ABI1: variants seen among roughly 807,000 people sequenced by gnomAD.
ABI1 encodes the protein Abelson interactor 1.
Under a neutral mutation model 54.6 loss-of-function variants are expected in ABI1, and 14 were observed. That is an observed-to-expected ratio of 0.26 (90% confidence interval 0.17 to 0.40). The LOEUF (loss-of-function observed/expected upper bound fraction) is 0.40, where lower values mean the gene tolerates loss of function less well. Among genes scored for constraint, ABI1 ranks in the 10% least tolerant of loss-of-function variants. The probability of loss-of-function intolerance (pLI) is 1.00; values close to 1 mark genes in which losing one functional copy is unlikely to be tolerated. For missense variants in ABI1, 443 were observed against 598.3 expected, an observed-to-expected ratio of 0.74 and a Z score of 2.71; for synonymous variants, 194 against 209.3, an observed-to-expected ratio of 0.93 and a Z score of 0.63.
intron 7 of ABI1, among the ~76,000 whole-genome samples, chr10:26,762,638 A>G (rs961142532): frequency 2.6e-5 from 4 of 152,208 alleles, no homozygotes; most frequent in Non-Finnish European, 4.4e-5. Flanking sequence ...TTAGGAGTCA[A>G]AGCAATGACT....
In ABI1 at chr10:26,765,337, A is replaced by C. The variant is rs1310964986; in HGVS notation, c.720-19T>G. On this transcript the variant is annotated intron_variant, in intron 6 of 10. Coordinates refer to ENST00000376140, the MANE Select transcript of ABI1 (RefSeq NM_001012750.3). ...ACTTCCACTGAAAAGAAAAAAAAAAACTGTGAAAAACCAATTCTAGAGACA... is the reference window on the plus strand; with the variant it reads ...ACTTCCACTGAAAAGAAAAAAAAAACCTGTGAAAAACCAATTCTAGAGACA... 1 of 1,528,524 alleles carries C rather than the reference A, an allele frequency of 6.5e-7. No homozygotes were observed. Among genetic ancestry groups the C allele is most frequent in the South Asian group, 1.2e-5 (1 of 80,900 alleles). The allele number at this position is 1,528,524 out of a possible 1,614,324, so 94.7% of individuals were successfully genotyped here. A position where few individuals can be genotyped will look rare whatever the true frequency, so the allele number is the denominator to read the frequency against.
intron 1 of ABI1, among the ~76,000 whole-genome samples, chr10:26,842,178 C>T (rs943774657): frequency 2.5e-4 from 38 of 152,180 alleles, no homozygotes; most frequent in African/African-American, 8.9e-4. Context: ...TTCTGCATGG[C>T]TAATGCTGTT....
chr10:26,761,657 T>TGC (rs1839220349), intron 7 of ABI1, among the ~76,000 whole-genome samples: 1 of 91,622 alleles, frequency 1.1e-5, no homozygotes, highest in South Asian at 3.4e-4. Flanking sequence ...TATATATATA[T>TGC]ATATACACAC....
chr10:26,786,091 T>C (rs1268986755), intron 2 of ABI1, among the ~76,000 whole-genome samples: 1 of 152,236 alleles, frequency 6.6e-6, no homozygotes. Flanking sequence ...ACTGTTTTTA[T>C]AGTGAAACAA....
intron 1 of ABI1, among the ~76,000 whole-genome samples, chr10:26,837,634 CAG>C: frequency 6.6e-6 from 1 of 152,222 alleles, no homozygotes; most frequent in East Asian, 1.9e-4. Flanking sequence ...GTTTTTGAAA[CAG>C]AGTCTCACTC....
chr10:26,819,429 G>A (rs888683601), intron 2 of ABI1, among the ~76,000 whole-genome samples: 31 of 152,172 alleles, frequency 2.0e-4, no homozygotes, highest in Admixed American at 9.8e-4. Context: ...TTCAAAATAC[G>A]TAACAGAAAA....
At chr10:26,817,760 T>C (rs2047670303) in intron 2 of ABI1, among the ~76,000 whole-genome samples, 1 of 152,128 alleles carries the variant, frequency 6.6e-6, no homozygotes, top group South Asian at 2.1e-4. Flanking sequence ...AAAATCTCTT[T>C]TAGATATACA....
intron 10 of ABI1, 85 bp from the exon 11 acceptor site, chr10:26,748,830 T>C (rs1391481539): frequency 3.1e-6 from 3 of 955,170 alleles, no homozygotes; most frequent in Non-Finnish European, 4.6e-6. Flanking sequence ...ATTAAATATA[T>C]AGCACAGCAA....
intron 1 of ABI1, among the ~76,000 whole-genome samples, chr10:26,844,498 G>T (rs778865473): frequency 6.6e-5 from 10 of 152,174 alleles, no homozygotes; most frequent in Non-Finnish European, 1.3e-4. Flanking sequence ...TATAGCCAGA[G>T]AAACTGGAAT....
At chr10:26,810,816 TA>T (rs71834702) in intron 2 of ABI1, among the ~76,000 whole-genome samples, 24,511 of 146,428 alleles carry the variant, frequency 0.17, 2,764 homozygotes, top group African/African-American at 0.34. Flanking sequence ...CCTGTTCTTT[TA>T]AAAAAAAAAA....
At position 26,860,928 on chromosome 10, in the gene ABI1, C is replaced by T. The variant is rs894837521; in HGVS notation, c.-65G>A. On this transcript the variant is annotated 5_prime_UTR_variant, in exon 1 of 11. Coordinates refer to ENST00000376140, the MANE Select transcript of ABI1 (RefSeq NM_001012750.3). The surrounding 1 kb of genome is among the most constrained non-coding windows in gnomAD (Gnocchi z 4.1). ...ACAGAGGCAGCAAGGTCCGCCGAGG[C>T]TCCGAGCACCTCACAGCCCGGATAC... The T allele has an allele frequency of 6.9e-6, 10 of 1,440,586 alleles. No individual in the cohort carries two copies. The African/African-American group carries it at 9.8e-5, about 14-fold the overall frequency. 89.2% of individuals were successfully genotyped at this position (1,440,586 alleles called of 1,614,324 possible). A position where few individuals can be genotyped will look rare whatever the true frequency, so the allele number is the denominator to read the frequency against.
intron 2 of ABI1, among the ~76,000 whole-genome samples, chr10:26,795,648 T>C (rs759915191): frequency 4.6e-5 from 7 of 151,754 alleles, no homozygotes; most frequent in Non-Finnish European, 1.0e-4. Context: ...ATTCCATTTA[T>C]GATAGCATCC....
chr10:26,785,401 G>A (rs10829065), intron 2 of ABI1, among the ~76,000 whole-genome samples: 9,344 of 152,174 alleles, frequency 0.061, 430 homozygotes, highest in East Asian at 0.19. Flanking sequence ...GTAAAAGGCA[G>A]GTTTGTTTGC....
At chr10:26,799,466 G>A (rs938829873) in intron 2 of ABI1, among the ~76,000 whole-genome samples, 2 of 152,150 alleles carry the variant, frequency 1.3e-5, no homozygotes, top group Non-Finnish European at 2.9e-5. Context: ...CCAAGCTTCG[G>A]GGGAGGGGGG....
chr10:26,816,813 T>C (rs2047593509), intron 2 of ABI1, among the ~76,000 whole-genome samples: 1 of 152,182 alleles, frequency 6.6e-6, no homozygotes, highest in African/African-American at 2.4e-5. Flanking sequence ...CTAGTAAGAT[T>C]GTTTTGTATA....
At chr10:26,762,688 T>C (rs1839394532) in intron 7 of ABI1, among the ~76,000 whole-genome samples, 1 of 152,172 alleles carries the variant, frequency 6.6e-6, no homozygotes, top group Non-Finnish European at 1.5e-5. Flanking sequence ...TTCTACCGTA[T>C]AGTTATAACA....
intron 2 of ABI1, among the ~76,000 whole-genome samples, chr10:26,791,811 G>T (rs1349001782): frequency 6.6e-6 from 1 of 152,070 alleles, no homozygotes. Context: ...ACTGAAAATG[G>T]ATCCCTACCT....
chr10:26,835,794 G>A (rs1431730052), intron 1 of ABI1, among the ~76,000 whole-genome samples: 1 of 97,594 alleles, frequency 1.0e-5, no homozygotes, highest in Non-Finnish European at 2.1e-5. Flanking sequence ...TTTTTTTTTT[G>A]AGACTGGGTC....
intron 6 of ABI1, 100 bp downstream of exon 6, chr10:26,768,752 A>T: frequency 1.1e-6 from 1 of 880,240 alleles, no homozygotes; most frequent in Non-Finnish European, 1.7e-6. Flanking sequence ...TATTAGCATT[A>T]GAGTGGCACC....
Sources: gnomAD v4.1 joint callset for allele counts (sites outside exome capture counted in the v4.1 genomes callset) on GRCh38, gnomAD v4.1.1 for gene constraint, Gnocchi (gnomAD v3.1) non-coding constraint, MANE v1.5 for transcripts, NCBI Gene and HGNC (gene_info 2026-07-23, HGNC 2026-07-21) for gene names.